CPQ: variants seen among roughly 807,000 people sequenced by gnomAD.
CPQ encodes Ser-Met dipeptidase.
CPQ carries 37 observed loss-of-function variants against 45.7 expected under a neutral mutation model. That is an observed-to-expected ratio of 0.81 (90% CI 0.62 to 1.07). The LOEUF (loss-of-function observed/expected upper bound fraction) is 1.07, where lower values mean the gene tolerates loss of function less well. Among genes scored for constraint, CPQ ranks in the 50% least tolerant of loss-of-function variants. CPQ has a pLI of 0.00. For synonymous variants in CPQ, 186 were observed against 205.8 expected (o/e 0.90, Z 0.82); for missense variants, 537 against 572.9 (o/e 0.94, Z 0.64).
intron 4 of CPQ, among the ~76,000 whole-genome samples, chr8:96,965,683 A>G (rs111883226): frequency 9.9e-5 from 15 of 152,148 alleles, no homozygotes; most frequent in African/African-American, 3.4e-4. Context: ...CAATTTCTTT[A>G]GTAGTCAAAA....
intron 3 of CPQ, among the ~76,000 whole-genome samples, chr8:96,873,105 T>C (rs1586433500): frequency 6.6e-6 from 1 of 151,888 alleles, no homozygotes; most frequent in Admixed American, 6.6e-5. Context: ...TTTCTGACCC[T>C]GTAATGGTGT....
chr8:96,942,035 C>G (rs1291184087), intron 4 of CPQ, among the ~76,000 whole-genome samples: 8 of 152,206 alleles, frequency 5.3e-5, no homozygotes, highest in Non-Finnish European at 1.2e-4. Context: ...AATGTTTATC[C>G]TTATCCTTTC....
intron 7 of CPQ, among the ~76,000 whole-genome samples, chr8:97,073,550 G>C (rs1411599066): frequency 6.6e-6 from 1 of 152,202 alleles, no homozygotes; most frequent in Non-Finnish European, 1.5e-5. Flanking sequence ...GAACCTCTCT[G>C]ATTTGTGGCT....
intron 7 of CPQ, among the ~76,000 whole-genome samples, chr8:97,130,496 T>C (rs890022687): frequency 3.3e-5 from 5 of 150,986 alleles, no homozygotes; most frequent in Middle Eastern, 3.4e-3. Context: ...TTTGATCAAA[T>C]GTACTTTAAT....
chr8:96,935,740 G>C (rs73698825), intron 4 of CPQ, among the ~76,000 whole-genome samples: 8 of 152,018 alleles, frequency 5.3e-5, no homozygotes, highest in Non-Finnish European at 8.8e-5. Flanking sequence ...GTATTTCAGG[G>C]TTTTTTAGGC....
intron 7 of CPQ, among the ~76,000 whole-genome samples, chr8:97,116,744 A>T (rs1811600513): frequency 6.6e-6 from 1 of 152,228 alleles, no homozygotes; most frequent in Non-Finnish European, 1.5e-5. Flanking sequence ...AAAATAATAG[A>T]AGCTCCTTCT....
intron 4 of CPQ, among the ~76,000 whole-genome samples, chr8:96,907,540 A>G (rs1812594902): frequency 6.6e-6 from 1 of 152,188 alleles, no homozygotes; most frequent in South Asian, 2.1e-4. Context: ...GTTGGTGACT[A>G]ACTAGCAGTC....
intron 6 of CPQ, among the ~76,000 whole-genome samples, chr8:97,064,037 C>A (rs991201139): frequency 6.6e-6 from 1 of 152,120 alleles, no homozygotes; most frequent in African/African-American, 2.4e-5. Flanking sequence ...AGCATTGAAT[C>A]TGTAAATTGC....
chr8:96,864,155 G>A (rs1811965793), intron 3 of CPQ, among the ~76,000 whole-genome samples: 1 of 152,018 alleles, frequency 6.6e-6, no homozygotes, highest in Non-Finnish European at 1.5e-5. Context: ...TTTGGAAGAG[G>A]TGGACACTAT....
intron 5 of CPQ, among the ~76,000 whole-genome samples, chr8:97,003,785 C>T (rs1448434090): frequency 6.6e-6 from 1 of 152,118 alleles, no homozygotes. Context: ...ATTATCATTG[C>T]TTGTGGTAGG....
At chr8:96,909,171 A>T (rs951624927) in intron 4 of CPQ, among the ~76,000 whole-genome samples, 1 of 152,008 alleles carries the variant, frequency 6.6e-6, no homozygotes, top group Non-Finnish European at 1.5e-5. Context: ...AAAGGACCTT[A>T]ATTTCTCTTC....
chr8:96,712,982 A>G (rs1809633118), intron 1 of CPQ, among the ~76,000 whole-genome samples: 1 of 151,996 alleles, frequency 6.6e-6, no homozygotes. Context: ...CAAGTACGCT[A>G]GATCATCTCT....
intron 1 of CPQ, among the ~76,000 whole-genome samples, chr8:96,741,992 CGCTTGGTGCAGA>C (rs1810099443): frequency 7.0e-6 from 1 of 143,722 alleles, no homozygotes; most frequent in African/African-American, 2.6e-5. Context: ...CTATTAGGTC[CGCTTGGTGCAGA>C]GCTGAGTTCA....
intron 1 of CPQ, among the ~76,000 whole-genome samples, chr8:96,689,438 G>A (rs115076041): frequency 0.012 from 1,794 of 152,160 alleles, 47 homozygotes; most frequent in African/African-American, 0.039. Context: ...TTTGGTCTTC[G>A]TTATAGAGAA....
chr8:96,889,557 A>G (rs1812346967), intron 4 of CPQ, among the ~76,000 whole-genome samples: 1 of 152,204 alleles, frequency 6.6e-6, no homozygotes, highest in South Asian at 2.1e-4. Flanking sequence ...GACTCACACG[A>G]TCACAAGGTA....
chr8:96,920,194 T>TG (rs1016704954), intron 4 of CPQ, among the ~76,000 whole-genome samples: 1 of 152,022 alleles, frequency 6.6e-6, no homozygotes, highest in African/African-American at 2.4e-5. Flanking sequence ...GTGAAAAAAT[T>TG]GGGGGATGGA....
chr8:96,719,383 C>T (rs1004428246), intron 1 of CPQ, among the ~76,000 whole-genome samples: 15 of 152,196 alleles, frequency 9.9e-5, no homozygotes, highest in African/African-American at 2.7e-4. Context: ...GCTCCAAGTG[C>T]GGGCCCGCCA....
In CPQ at chr8:97,134,038, C is replaced by T. The variant is rs561270539; in HGVS notation, c.1256-8982C>T. Among the ~76,000 whole-genome samples the T allele has an allele frequency of 4.6e-5, 7 of 152,312 alleles. No individual in the cohort carries two copies. In the South Asian group the frequency reaches 1.5e-3, roughly 32 times the overall value. On this transcript the variant is annotated intron_variant, in intron 7 of 7. Transcript: ENST00000220763. The stretch of plus-strand genomic sequence containing the variant: ...TGGTAAGGAGAACTGACTTGTCATT[C>T]TCCAAGGCAGAAGCTGAGAGTAGAA...
chr8:96,910,932 T>C (rs922340867), intron 4 of CPQ, among the ~76,000 whole-genome samples: 1 of 152,002 alleles, frequency 6.6e-6, no homozygotes, highest in African/African-American at 2.4e-5. Context: ...TTTCCATATA[T>C]GGGCTTCACT....
Sources: gnomAD v4.1 joint callset for allele counts (sites outside exome capture counted in the v4.1 genomes callset) on GRCh38, gnomAD v4.1.1 for gene constraint, MANE v1.5 for transcripts, NCBI Gene and HGNC (gene_info 2026-07-23, HGNC 2026-07-21) for gene names.